TAOK3: variants seen among roughly 807,000 people sequenced by gnomAD.
TAOK3 encodes serine/threonine-protein kinase TAO3.
In TAOK3, 40 loss-of-function variants were observed where a neutral mutation model predicts 120.4. That is an observed-to-expected ratio of 0.33 (90% CI 0.26 to 0.43). The LOEUF (loss-of-function observed/expected upper bound fraction) is 0.43. Ranked by LOEUF, TAOK3 falls within the 20% of genes least tolerant of loss-of-function variation. The pLI is 1.00. For synonymous variants in TAOK3, 355 were observed against 387.5 expected (o/e 0.92, Z 0.99); for missense variants, 821 against 1,112.1 (o/e 0.74, Z 3.72).
At position 118,199,315 on chromosome 12, in the gene TAOK3, T is replaced by C. The variant is rs2037907904; in HGVS notation, c.988-58A>G. 33 of 1,371,068 alleles carry C rather than the reference T, an allele frequency of 2.4e-5. No homozygotes were observed. The Admixed American group carries it at 5.0e-4, about 21-fold the overall frequency. 84.9% of individuals were successfully genotyped at this position (1,371,068 alleles called of 1,614,324 possible). On this transcript the variant is annotated intron_variant, in intron 12 of 20. Transcript: ENST00000392533. ...AGACTGAAGATAAAGAGTCAATCCATTGACAAAAGTGTCAAGCACACTCAA... is the reference window on the plus strand; with the variant it reads ...AGACTGAAGATAAAGAGTCAATCCACTGACAAAAGTGTCAAGCACACTCAA...
chr12:118,329,020 A>G (rs1455307092), intron 1 of TAOK3, among the ~76,000 whole-genome samples: 2 of 152,218 alleles, frequency 1.3e-5, no homozygotes, highest in Non-Finnish European at 2.9e-5. Context: ...GCAAGCCTGA[A>G]ATGCAGGCAA....
intron 1 of TAOK3, among the ~76,000 whole-genome samples, chr12:118,338,249 T>G (rs2044447930): frequency 6.6e-6 from 1 of 152,260 alleles, no homozygotes; most frequent in Non-Finnish European, 1.5e-5. Flanking sequence ...GACCCCACCT[T>G]CACAGATGTC....
At position 118,181,606 on chromosome 12, in the gene TAOK3, A is replaced by G; in HGVS notation, c.1331T>C (p.Val444Ala). Residue 444 changes from valine (V) to alanine (A), a missense_variant and splice_region_variant, in exon 15 of 21, where the codon GTT becomes GCT. Val to Ala is a moderately conservative substitution (Grantham distance 64, BLOSUM62 0). This residue lies in a region of TAOK3 where 354 missense variants were observed against 572.1 expected (regional missense o/e 0.62). Transcript: ENST00000392533. Reference sequence around the variant, plus strand: ...CTCATGCTCATGGATCTGTCGTGTAACCTGAATTGGGTTAGGAAACAGAAC... The same window carrying G: ...CTCATGCTCATGGATCTGTCGTGTAGCCTGAATTGGGTTAGGAAACAGAAC... ...RFATIKSASL[V>A]TRQIHEHEQE... is the part of the protein sequence containing the mutation. 1 of 1,613,920 alleles carries G rather than the reference A, an allele frequency of 6.2e-7. No individual in the cohort carries two copies. Among genetic ancestry groups the G allele is most frequent in the Non-Finnish European group, 8.5e-7 (1 of 1,179,874 alleles).
At chr12:118,189,995 G>A in intron 13 of TAOK3, 54 bp from the exon 14 acceptor site, 5 of 1,602,572 alleles carry the variant, frequency 3.1e-6, no homozygotes, top group East Asian at 2.2e-5. Context: ...TTTCCTCGCC[G>A]GCTGCCTCTC....
At chr12:118,204,086 T>C (rs943210761) in intron 11 of TAOK3, among the ~76,000 whole-genome samples, 2 of 151,824 alleles carry the variant, frequency 1.3e-5, no homozygotes, top group African/African-American at 4.8e-5. Flanking sequence ...GCCAACATGG[T>C]GAAACCCCGT....
chr12:118,284,455 A>T (rs1411205478), intron 1 of TAOK3, among the ~76,000 whole-genome samples: 2 of 152,160 alleles, frequency 1.3e-5, no homozygotes, highest in African/African-American at 4.8e-5. Context: ...TCGAAAAGAC[A>T]TGGGAGTTAT....
At chr12:118,269,563 T>C in intron 1 of TAOK3, among the ~76,000 whole-genome samples, 1 of 151,576 alleles carries the variant, frequency 6.6e-6, no homozygotes, top group East Asian at 1.9e-4. Context: ...AGAGATGGGG[T>C]TTCGTTATAT....
At chr12:118,365,109 T>C (rs1176138537) in intron 1 of TAOK3, among the ~76,000 whole-genome samples, 1 of 152,202 alleles carries the variant, frequency 6.6e-6, no homozygotes, top group Non-Finnish European at 1.5e-5. Flanking sequence ...CCAAAATAGG[T>C]GCCTAGATCT....
At chr12:118,355,920 GT>G (rs2141262612) in intron 1 of TAOK3, among the ~76,000 whole-genome samples, 1 of 152,286 alleles carries the variant, frequency 6.6e-6, no homozygotes, top group South Asian at 2.1e-4. Context: ...TTTGTGCAAA[GT>G]CACAAAGCTA....
At chr12:118,301,900 A>G (rs2042896320) in intron 1 of TAOK3, among the ~76,000 whole-genome samples, 1 of 152,108 alleles carries the variant, frequency 6.6e-6, no homozygotes, top group Non-Finnish European at 1.5e-5. Flanking sequence ...TAAGTACATC[A>G]AAAGTAAGAA....
chr12:118,220,838 T>C (rs746314165), intron 9 of TAOK3, among the ~76,000 whole-genome samples: 1 of 152,126 alleles, frequency 6.6e-6, no homozygotes, highest in East Asian at 1.9e-4. Context: ...ACTCTAACCA[T>C]AGAACAGCTC....
rs540467189 is a variant in TAOK3, at chr12:118,309,145, G to A, written c.-193-42386C>T. ...GGAGTTCGAGACCAGCCTGGCCAAC[G>A]TGGCGAAACCCCATCTCTACTACAA... On this transcript the variant is annotated intron_variant, in intron 1 of 20. Coordinates refer to ENST00000392533, the MANE Select transcript of TAOK3 (RefSeq NM_016281.4). Among the ~76,000 whole-genome samples, 259 of 151,358 alleles carry A rather than the reference G, an allele frequency of 1.7e-3. 1 individual carries two copies. The highest frequency in any genetic ancestry group is 6.0e-3 in the African/African-American group (247 of 41,270).
intron 1 of TAOK3, among the ~76,000 whole-genome samples, chr12:118,267,960 C>G (rs2041530140): frequency 6.6e-6 from 1 of 151,452 alleles, no homozygotes; most frequent in African/African-American, 2.4e-5. Context: ...ATCTGGCATA[C>G]TTTTCTCCAT....
intron 9 of TAOK3, among the ~76,000 whole-genome samples, chr12:118,219,157 C>G (rs975232680): frequency 1.3e-5 from 2 of 152,292 alleles, no homozygotes; most frequent in African/African-American, 4.8e-5. Flanking sequence ...GTGTGCTTCA[C>G]TCAAAGAACC....
At chr12:118,168,231 C>T (rs1207559557) in intron 17 of TAOK3, among the ~76,000 whole-genome samples, 2 of 152,098 alleles carry the variant, frequency 1.3e-5, no homozygotes, top group South Asian at 2.1e-4. Flanking sequence ...TTATGCAAGA[C>T]GAATAATTAC....
At chr12:118,233,155 A>G (rs2039858049) in intron 9 of TAOK3, among the ~76,000 whole-genome samples, 1 of 151,194 alleles carries the variant, frequency 6.6e-6, no homozygotes, top group Middle Eastern at 3.4e-3. Flanking sequence ...CGCAAGGACA[A>G]AAAACCAAAC....
intron 1 of TAOK3, among the ~76,000 whole-genome samples, chr12:118,280,012 G>A (rs1393905599): frequency 1.3e-5 from 2 of 150,578 alleles, no homozygotes; most frequent in Non-Finnish European, 1.5e-5. Context: ...TGATCCGCCC[G>A]CCTTAGCCTC....
intron 17 of TAOK3, 85 bp from the exon 18 acceptor site, chr12:118,162,112 G>T: frequency 6.6e-7 from 1 of 1,512,966 alleles, no homozygotes; most frequent in South Asian, 1.2e-5. Flanking sequence ...GGAGGGCAAG[G>T]AATGGCACTG....
intron 9 of TAOK3, among the ~76,000 whole-genome samples, chr12:118,215,592 C>T (rs2038861932): frequency 6.6e-6 from 1 of 151,876 alleles, no homozygotes; most frequent in Non-Finnish European, 1.5e-5. Flanking sequence ...CTGTCTGATG[C>T]CTGATTCAGG....
Sources: gnomAD v4.1 joint callset for allele counts (sites outside exome capture counted in the v4.1 genomes callset) on GRCh38, gnomAD v4.1.1 for gene constraint, gnomAD v4.1.1 regional missense constraint, MANE v1.5 for transcripts, NCBI Gene and HGNC (gene_info 2026-07-23, HGNC 2026-07-21) for gene names.